SUPT7L: variants seen among roughly 807,000 people sequenced by gnomAD.
The protein encoded by SUPT7L is STAGA complex 65 subunit gamma.
A neutral mutation model predicts 35.7 loss-of-function variants in SUPT7L; 15 were observed. The ratio of observed to expected loss-of-function variants is 0.42; its 90% CI spans 0.28 to 0.65. The LOEUF (loss-of-function observed/expected upper bound fraction) is 0.65, where lower values mean the gene tolerates loss of function less well. SUPT7L is among the 30% of genes least tolerant of loss of function. SUPT7L has a pLI of 0.23. For synonymous variants in SUPT7L, 168 were observed against 186.2 expected (o/e 0.90, Z 0.79); for missense variants, 434 against 522.2 (o/e 0.83, Z 1.65).
chr2:27,662,669 T>C (rs1048198542), intron 1 of SUPT7L, among the ~76,000 whole-genome samples: 1 of 152,240 alleles, frequency 6.6e-6, no homozygotes, highest in Non-Finnish European at 1.5e-5. Context: ...CTTATCGCAA[T>C]AGATTTTTTC....
chr2:27,660,818 C>T (rs935745009), intron 3 of SUPT7L, among the ~76,000 whole-genome samples, 166 bp downstream of exon 3: 2 of 152,160 alleles, frequency 1.3e-5, no homozygotes, highest in Admixed American at 6.5e-5. Flanking sequence ...TGAAGACTGG[C>T]ATTCAAAACT....
Position 27,657,565 on chromosome 2 carries a change from T to A in SUPT7L, c.524A>T (p.Asn175Ile), listed in dbSNP as rs767727949. The A allele has an allele frequency of 6.2e-6, 10 of 1,614,128 alleles. No individual in the cohort carries two copies. Among genetic ancestry groups the A allele is most frequent in the Non-Finnish European group, 8.5e-6 (10 of 1,180,044 alleles). Residue 175 changes from asparagine (N) to isoleucine (I), a missense_variant, in exon 4 of 6, where the codon AAT (asparagine) becomes ATT (isoleucine). Physicochemically the swap from Asn to Ile is moderately radical, Grantham distance 149. Transcript: ENST00000337768. The surrounding 1 kb of genome is among the most constrained non-coding windows in gnomAD (Gnocchi z 5.2). ...ILAHAGFDCA[N>I]ESVLETLTDV... Reference sequence around the variant, plus strand: ...AGTTAGGGTCTCCAGGACACTCTCATTAGCACAGTCAAAGCCCGCGTGGGC... The same window carrying A: ...AGTTAGGGTCTCCAGGACACTCTCAATAGCACAGTCAAAGCCCGCGTGGGC...
chr2:27,662,463 C>T (rs1675157291), intron 1 of SUPT7L, among the ~76,000 whole-genome samples, 182 bp from the exon 2 acceptor site: 1 of 152,198 alleles, frequency 6.6e-6, no homozygotes, highest in South Asian at 2.1e-4. Context: ...TACATTTCCA[C>T]AATTGACACT....
At position 27,653,392 on chromosome 2, in the gene SUPT7L, A is replaced by C. The variant is rs1674645516; in HGVS notation, c.*93T>G. ...AAAACCACTTGTGTTTAAGAACAGG[A>C]GTCAAATCAATTTTTAAGGAAACAG... On this transcript the variant is annotated 3_prime_UTR_variant, in exon 6 of 6. Coordinates refer to ENST00000337768, the MANE Select transcript of SUPT7L (RefSeq NM_014860.3). 26 of 1,494,180 alleles carry C rather than the reference A, an allele frequency of 1.7e-5. No individual in the cohort carries two copies. In the South Asian group the frequency reaches 3.5e-4, roughly 20 times the overall value. The allele number at this position is 1,494,180 out of a possible 1,614,324, so 92.6% of individuals were successfully genotyped here. A position where few individuals can be genotyped will look rare whatever the true frequency, so the allele number is the denominator to read the frequency against.
the SUPT7L span, among the ~76,000 whole-genome samples, chr2:27,644,258 T>C: frequency 2.0e-5 from 3 of 152,338 alleles, no homozygotes; most frequent in East Asian, 5.8e-4. Flanking sequence ...GGGGTGATGC[T>C]TTGAGACTAT....
chr2:27,651,438 C>T lies in SUPT7L; in HGVS notation c.*2047G>A, dbSNP rs1019735522. The T allele has an allele frequency of 6.6e-6, 1 of 152,360 alleles. No homozygotes were observed. Among genetic ancestry groups the T allele is most frequent in the African/African-American group, 2.4e-5 (1 of 41,442 alleles). The allele number at this position is 152,360 out of a possible 1,614,324, so 9.4% of individuals were successfully genotyped here. On this transcript the variant is annotated 3_prime_UTR_variant, in exon 6 of 6. Transcript: ENST00000337768. ...CACATCATTTGCCTTCTCATATTTCCCTCGTCTTGACCATCTGGTGCCTGT... is the reference window on the plus strand; with the variant it reads ...CACATCATTTGCCTTCTCATATTTCTCTCGTCTTGACCATCTGGTGCCTGT...
At chr2:27,643,175 A>G in the SUPT7L span, among the ~76,000 whole-genome samples, 2 of 149,832 alleles carry the variant, frequency 1.3e-5, no homozygotes, top group East Asian at 3.9e-4. This position sits in a 1 kb window ranked among gnomAD's most constrained non-coding sequence, Gnocchi z 4.0. Context: ...ACCCTCCTCA[A>G]TTTTTTTTAT....
Position 27,657,261 on chromosome 2 carries a change from T to A in SUPT7L, c.744+84A>T. 4 of 1,462,374 alleles carry A rather than the reference T, an allele frequency of 2.7e-6. No homozygotes were observed. Among genetic ancestry groups the A allele is most frequent in the Non-Finnish European group, 3.7e-6 (4 of 1,072,002 alleles). 90.6% of individuals were successfully genotyped at this position (1,462,374 alleles called of 1,614,324 possible). A position where few individuals can be genotyped will look rare whatever the true frequency, so the allele number is the denominator to read the frequency against. On this transcript the variant is annotated intron_variant, in intron 4 of 5. Transcript: ENST00000337768. The surrounding 1 kb of genome is among the most constrained non-coding windows in gnomAD (Gnocchi z 5.2). ...TGTTCCAAGACTCTGTGCTCTGCAC[T>A]CTAGACCAAGTGTTGTGGGATCCTG...
chr2:27,654,129 G>A (rs1445928871), intron 5 of SUPT7L, among the ~76,000 whole-genome samples: 1 of 152,030 alleles, frequency 6.6e-6, no homozygotes, highest in African/African-American at 2.4e-5. Context: ...CTTTTATGGG[G>A]CCATCTTGTT....
At chr2:27,661,541 A>G in intron 2 of SUPT7L, 153 bp from the exon 3 acceptor site, 1 of 1,443,364 alleles carries the variant, frequency 6.9e-7, no homozygotes, top group Non-Finnish European at 9.0e-7. Context: ...AAAGTAGGCT[A>G]TTTGTGACCA....
chr2:27,657,204 A>C lies in SUPT7L; in HGVS notation c.744+141T>G. The stretch of plus-strand genomic sequence containing the variant: ...ATGGTATTTGGCCAGGAACATCGCT[A>C]GGGCCATCATAAAAGTATGTTAAGT... On this transcript the variant is annotated intron_variant, in intron 4 of 5. Transcript: ENST00000337768. The surrounding 1 kb of genome is among the most constrained non-coding windows in gnomAD (Gnocchi z 5.2). 3.3e-6 allele frequency: 3 copies of C among 900,740 alleles called. No individual in the cohort carries two copies. Among genetic ancestry groups the C allele is most frequent in the African/African-American group, 1.7e-5 (1 of 59,406 alleles). 55.8% of individuals were successfully genotyped at this position (900,740 alleles called of 1,614,324 possible). A position where few individuals can be genotyped will look rare whatever the true frequency, so the allele number is the denominator to read the frequency against.
downstream of SUPT7L, among the ~76,000 whole-genome samples, chr2:27,645,973 G>A (rs937331139): frequency 6.6e-6 from 1 of 151,924 alleles, no homozygotes. Flanking sequence ...CAAGTGATCT[G>A]CCCACCTCAG....
intron 1 of SUPT7L, among the ~76,000 whole-genome samples, chr2:27,662,509 C>T (rs945627828): frequency 6.6e-6 from 1 of 152,170 alleles, no homozygotes; most frequent in African/African-American, 2.4e-5. Flanking sequence ...GCTCTGCCAA[C>T]CTTGCACATC....
At chr2:27,663,219 CT>C (rs1675206187) in intron 1 of SUPT7L, 109 bp downstream of exon 1, 1 of 157,270 alleles carries the variant, frequency 6.4e-6, no homozygotes, top group South Asian at 1.7e-4. Context: ...AATCGACAGT[CT>C]CCAGAGTCTG....
In SUPT7L at chr2:27,653,306, A is replaced by C; in HGVS notation, c.*179T>G. On this transcript the variant is annotated 3_prime_UTR_variant, in exon 6 of 6. Coordinates refer to ENST00000337768, the MANE Select transcript of SUPT7L (RefSeq NM_014860.3). ...GGCTTGGTTGTGGAAAACTATAAAA[A>C]CTGGATGCAAAAGTAAAATGCAACC... 1.2e-6 allele frequency: 1 copy of C among 846,038 alleles called. No individual in the cohort carries two copies. 52.4% of individuals were successfully genotyped at this position (846,038 alleles called of 1,614,324 possible).
the SUPT7L span, among the ~76,000 whole-genome samples, chr2:27,645,308 G>C: frequency 6.6e-6 from 1 of 151,946 alleles, no homozygotes; most frequent in African/African-American, 2.4e-5. Flanking sequence ...GGTGAGCAAG[G>C]ACTCCTTACT....
downstream of SUPT7L, chr2:27,647,930 C>T (rs746576092): frequency 1.9e-6 from 3 of 1,603,548 alleles, no homozygotes; most frequent in Admixed American, 5.0e-5. Flanking sequence ...ATACTGATGA[C>T]ATTGACCACA....
Position 27,657,274 on chromosome 2 carries a change from T to C in SUPT7L, c.744+71A>G. ...TGTGCTCTGCACTCTAGACCAAGTG[T>C]TGTGGGATCCTGCTGAACACTCCGA... On this transcript the variant is annotated intron_variant, in intron 4 of 5. Transcript: ENST00000337768. The surrounding 1 kb of genome is among the most constrained non-coding windows in gnomAD (Gnocchi z 5.2). The C allele has an allele frequency of 6.6e-7, 1 of 1,519,304 alleles. No homozygotes were observed. The highest frequency in any genetic ancestry group is 2.3e-5 in the East Asian group (1 of 43,940). 94.1% of individuals were successfully genotyped at this position (1,519,304 alleles called of 1,614,324 possible). A position where few individuals can be genotyped will look rare whatever the true frequency, so the allele number is the denominator to read the frequency against.
downstream of SUPT7L, among the ~76,000 whole-genome samples, chr2:27,649,049 G>A (rs1055193122): frequency 6.6e-6 from 1 of 151,640 alleles, no homozygotes; most frequent in Non-Finnish European, 1.5e-5. Context: ...TTCAAGACCA[G>A]CCTGACCAAC....
Sources: gnomAD v4.1 joint callset for allele counts (sites outside exome capture counted in the v4.1 genomes callset) on GRCh38, gnomAD v4.1.1 for gene constraint, Gnocchi (gnomAD v3.1) non-coding constraint, MANE v1.5 for transcripts, NCBI Gene and HGNC (gene_info 2026-07-23, HGNC 2026-07-21) for gene names.